Variants in POLN observed in about 807,000 individuals in gnomAD.
POLN encodes DNA polymerase nu.
A neutral mutation model predicts 113.5 loss-of-function variants in POLN; 108 were observed. The ratio of observed to expected loss-of-function variants is 0.95; its 90% CI spans 0.81 to 1.12. POLN has a LOEUF of 1.12. Among genes scored for constraint, POLN ranks in the 50% most tolerant of loss-of-function variants. POLN has a pLI of 0.00. For synonymous variants in POLN, 386 were observed against 391.5 expected (o/e 0.99, Z 0.17); for missense variants, 1,097 against 1,077.1 (o/e 1.02, Z -0.26).
chr4:2,174,767 A>C lies in POLN; in HGVS notation c.1249-16T>G. 1 of 1,546,404 alleles carries C rather than the reference A, an allele frequency of 6.5e-7. No homozygotes were observed. Among genetic ancestry groups the C allele is most frequent in the Non-Finnish European group, 8.9e-7 (1 of 1,123,906 alleles). ...AACCATAATCCTGTTTAATAGGAAG[A>C]AATAACATCAACGTCAATTTAAATA... On this transcript the variant is annotated splice_polypyrimidine_tract_variant and intron_variant, in intron 9 of 25. Coordinates refer to ENST00000511885, the MANE Select transcript of POLN (RefSeq NM_181808.4).
intron 3 of POLN, among the ~76,000 whole-genome samples, chr4:2,214,229 C>G (rs924641466): frequency 6.6e-6 from 1 of 151,678 alleles, no homozygotes; most frequent in African/African-American, 2.4e-5. Flanking sequence ...GGGCAAGACT[C>G]TGTCCTGGGA....
At chr4:2,184,076 A>G (rs1235516517) in intron 7 of POLN, among the ~76,000 whole-genome samples, 1 of 149,380 alleles carries the variant, frequency 6.7e-6, no homozygotes, top group Non-Finnish European at 1.5e-5. Flanking sequence ...CTGGTCTTGA[A>G]CTCCTGACCT....
At position 2,184,494 on chromosome 4, in the gene POLN, A is replaced by G. The variant is rs766017583; in HGVS notation, c.1022-5029T>C. On this transcript the variant is annotated intron_variant, in intron 7 of 25. Transcript: ENST00000511885. ...CTTCAGTATGTTTTAAAGGAGATCA[A>G]TAAGGTTAAGTAAAAACCCTGTCAT... Among the ~76,000 whole-genome samples, 15 of 152,322 alleles carry G rather than the reference A, an allele frequency of 9.8e-5. No individual in the cohort carries two copies. In the East Asian group the frequency reaches 1.7e-3, roughly 18 times the overall value.
chr4:2,096,686 AAG>A (rs750844060), intron 19 of POLN, among the ~76,000 whole-genome samples: 19,136 of 129,652 alleles, frequency 0.15, 1,265 homozygotes, highest in South Asian at 0.18. Context: ...AGCCGAGAGA[AAG>A]AGAGAGAGAG....
Position 2,109,342 on chromosome 4 carries a change from G to C in POLN, c.1983-13409C>G, listed in dbSNP as rs17132234. Among the ~76,000 whole-genome samples the C allele has an allele frequency of 2.5e-3, 387 of 152,278 alleles. 1 individual carries two copies. The highest frequency in any genetic ancestry group is 4.8e-3 in the South Asian group (23 of 4,822). ...TAATCAATGTTTAACAATGCAGACA[G>C]CCTGAAATCAGCAACATAAATTGTA... On this transcript the variant is annotated intron_variant, in intron 19 of 25. Transcript: ENST00000511885.
At chr4:2,206,223 C>T (rs777238872) in intron 5 of POLN, among the ~76,000 whole-genome samples, 1 of 152,326 alleles carries the variant, frequency 6.6e-6, no homozygotes, top group Admixed American at 6.5e-5. Flanking sequence ...GGATCCTCAT[C>T]TCTCACCTTA....
chr4:2,216,142 T>A (rs1734107502), intron 3 of POLN, among the ~76,000 whole-genome samples: 1 of 152,194 alleles, frequency 6.6e-6, no homozygotes, highest in South Asian at 2.1e-4. Context: ...CCCCAGAAGA[T>A]GGAAATTACA....
Position 2,152,031 on chromosome 4 carries a change from TTTC to T in POLN, c.1731+4754_1731+4756del, listed in dbSNP as rs201962070. ...TAAACCTAATTTTCTTTTTTCTTTC[TTTC>T]TTCTTTTTTTTTTTTTGAGGTGGGA... On this transcript the variant is annotated intron_variant, in intron 16 of 25. Coordinates refer to ENST00000511885, the MANE Select transcript of POLN (RefSeq NM_181808.4). Among the ~76,000 whole-genome samples the T allele has an allele frequency of 4.5e-3, 685 of 151,448 alleles. 3 individuals are homozygous for T. Among genetic ancestry groups the T allele is most frequent in the African/African-American group, 0.015 (632 of 41,368 alleles).
intron 19 of POLN, among the ~76,000 whole-genome samples, chr4:2,100,407 A>G (rs1311048768): frequency 2.0e-5 from 3 of 152,328 alleles, no homozygotes; most frequent in African/African-American, 7.2e-5. Flanking sequence ...AGCAATAGAA[A>G]CCTCAACATA....
In POLN at chr4:2,081,743, C is replaced by A. The variant is rs763587579; in HGVS notation, c.2198G>T (p.Gly733Val). 1.1e-5 allele frequency: 18 copies of A among 1,613,726 alleles called. No homozygotes were observed. The highest frequency in any genetic ancestry group is 1.5e-5 in the Non-Finnish European group (18 of 1,179,710). ...TCTGCCCATGATGGACACCACACAG[C>A]CTGAGTCACACAGAGCAAAAGTAGA... Reference protein sequence around the residue: ...RAAIAQCHQTGCVVSIMGRRR... With the variant: ...RAAIAQCHQTVCVVSIMGRRR... The change falls in exon 22 of 26, where the codon GGC (glycine) becomes GTC (valine). Residue 733 changes from glycine (G) to valine (V), a missense_variant and splice_region_variant. Transcript: ENST00000511885.
intron 7 of POLN, among the ~76,000 whole-genome samples, chr4:2,192,008 G>T (rs1472009267): frequency 6.6e-6 from 1 of 151,690 alleles, no homozygotes; most frequent in Non-Finnish European, 1.5e-5. Flanking sequence ...ACCTACTCGG[G>T]AGGCTGAGGC....
At chr4:2,152,458 C>G (rs1323341533) in intron 16 of POLN, among the ~76,000 whole-genome samples, 2 of 150,944 alleles carry the variant, frequency 1.3e-5, no homozygotes, top group Non-Finnish European at 2.9e-5. Flanking sequence ...CCTCCTGCCT[C>G]AGCCTCCCAA....
chr4:2,156,637 T>C (rs1046791854), intron 16 of POLN, 151 bp downstream of exon 16: 66 of 699,432 alleles, frequency 9.4e-5, no homozygotes, highest in Non-Finnish European at 1.1e-4. Context: ...TCCTGCTATG[T>C]TCTCAGAATA....
intron 5 of POLN, among the ~76,000 whole-genome samples, chr4:2,200,979 G>T (rs558651009): frequency 2.5e-4 from 38 of 151,918 alleles, no homozygotes; most frequent in Non-Finnish European, 4.3e-4. Flanking sequence ...TACAAGAAAT[G>T]AGGGGAGGCC....
chr4:2,156,842 G>A lies in POLN; in HGVS notation c.1677C>T (p.Ser559=). The part of the protein sequence containing the change: ...LLACMKKGSI[S]STWNQTGTVT... ...CAGTTCCAGTCTGATTCCATGTAGA[G>A]GAAATGGAGCCCTTTATTAGTTAAA... Residue 559 remains serine (S), a synonymous_variant, in exon 16 of 26, where the codon TCC becomes TCT. Coordinates refer to ENST00000511885, the MANE Select transcript of POLN (RefSeq NM_181808.4). The A allele has an allele frequency of 6.2e-7, 1 of 1,611,664 alleles. No individual in the cohort carries two copies. Among genetic ancestry groups the A allele is most frequent in the Non-Finnish European group, 8.5e-7 (1 of 1,177,714 alleles).
At chr4:2,073,940 G>C (rs1730214180) in intron 24 of POLN, among the ~76,000 whole-genome samples, 1 of 152,224 alleles carries the variant, frequency 6.6e-6, no homozygotes, top group East Asian at 1.9e-4. Flanking sequence ...CAGCAGGTGG[G>C]CACACGGCCC....
intron 20 of POLN, among the ~76,000 whole-genome samples, chr4:2,091,804 C>CGCGT (rs1553893107): frequency 2.1e-5 from 3 of 139,738 alleles, no homozygotes; most frequent in East Asian, 2.2e-4. Context: ...TGTGTGTGCG[C>CGCGT]GCGCTACAAT....
At chr4:2,153,187 G>T (rs1212204517) in intron 16 of POLN, among the ~76,000 whole-genome samples, 1 of 152,192 alleles carries the variant, frequency 6.6e-6, no homozygotes, top group Non-Finnish European at 1.5e-5. Flanking sequence ...GGCAGGAAAG[G>T]AAAATTCTAA....
chr4:2,160,934 C>T (rs576148334), intron 13 of POLN, among the ~76,000 whole-genome samples: 1 of 152,190 alleles, frequency 6.6e-6, no homozygotes, highest in Non-Finnish European at 1.5e-5. Context: ...TGTTTGTGTG[C>T]TGCATGAAAT....
Sources: allele counts gnomAD v4.1 joint callset (sites outside exome capture counted in the v4.1 genomes callset), GRCh38; gene constraint gnomAD v4.1.1; transcripts MANE v1.5; gene names NCBI Gene and HGNC (gene_info 2026-07-23, HGNC 2026-07-21).